Variants in NEGR1 observed in about 807,000 individuals in gnomAD.
NEGR1 encodes the protein IgLON family member 4.
A neutral mutation model predicts 40.9 loss-of-function variants in NEGR1; 10 were observed. That is an observed-to-expected ratio of 0.24 (90% CI 0.15 to 0.42). The LOEUF (loss-of-function observed/expected upper bound fraction) is 0.42. Ranked by LOEUF, NEGR1 falls within the 10% of genes least tolerant of loss-of-function variation. The probability of loss-of-function intolerance (pLI) is 1.00; values close to 1 mark genes in which losing one functional copy is unlikely to be tolerated. For synonymous variants in NEGR1, 185 were observed against 166.8 expected, an observed-to-expected ratio of 1.11 and a Z score of -0.84; for missense variants, 352 against 438.9, an observed-to-expected ratio of 0.80 and a Z score of 1.77.
chr1:71,906,877 G>A (rs963809972), intron 2 of NEGR1, among the ~76,000 whole-genome samples: 5 of 152,118 alleles, frequency 3.3e-5, no homozygotes. Flanking sequence ...CCTAGCCTGA[G>A]GGACAATTAG....
chr1:71,929,346 C>T (rs192219385), intron 2 of NEGR1, among the ~76,000 whole-genome samples: 23 of 152,132 alleles, frequency 1.5e-4, no homozygotes, highest in African/African-American at 5.5e-4. Flanking sequence ...GTTATTAAGC[C>T]ATTTTTATTT....
At chr1:71,471,841 T>A (rs564886724) in intron 6 of NEGR1, among the ~76,000 whole-genome samples, 2 of 152,196 alleles carry the variant, frequency 1.3e-5, no homozygotes, top group South Asian at 4.2e-4. Context: ...GAGCCAGTAT[T>A]CCACAGTCCC....
At chr1:72,023,411 G>A (rs1646778196) in intron 1 of NEGR1, among the ~76,000 whole-genome samples, 1 of 151,840 alleles carries the variant, frequency 6.6e-6, no homozygotes, top group African/African-American at 2.4e-5. Flanking sequence ...CCTATTTGCT[G>A]GATGAATCCT....
chr1:71,928,421 CACATAT>C (rs1396228131), intron 2 of NEGR1, among the ~76,000 whole-genome samples: 1 of 129,848 alleles, frequency 7.7e-6, no homozygotes, highest in African/African-American at 2.8e-5. Flanking sequence ...TATATATACA[CACATAT>C]GTATATATAC....
intron 6 of NEGR1, among the ~76,000 whole-genome samples, chr1:71,535,750 C>T (rs752839706): frequency 1.3e-5 from 2 of 151,646 alleles, no homozygotes; most frequent in Non-Finnish European, 3.0e-5. Context: ...TAGATGATGA[C>T]AGTCAGCTAG....
intron 2 of NEGR1, among the ~76,000 whole-genome samples, chr1:71,797,850 T>G (rs1206746860): frequency 6.6e-6 from 1 of 152,098 alleles, no homozygotes; most frequent in Non-Finnish European, 1.5e-5. Context: ...AGTCATAAAT[T>G]TTCTATTTGT....
intron 1 of NEGR1, among the ~76,000 whole-genome samples, chr1:72,053,193 A>C (rs559771669): frequency 6.6e-6 from 1 of 151,440 alleles, no homozygotes; most frequent in South Asian, 2.1e-4. Context: ...AAATGCAAAT[A>C]AACATACCCT....
intron 1 of NEGR1, among the ~76,000 whole-genome samples, chr1:72,033,702 C>G (rs949531881): frequency 6.6e-6 from 1 of 152,142 alleles, no homozygotes; most frequent in Non-Finnish European, 1.5e-5. Context: ...AACAAAACAG[C>G]TTTTAAGGAC....
At position 71,979,585 on chromosome 1, in the gene NEGR1, T is replaced by G. The variant is rs542893216; in HGVS notation, c.177-44274A>C. On this transcript the variant is annotated intron_variant, in intron 1 of 6. Coordinates refer to ENST00000357731, the MANE Select transcript of NEGR1 (RefSeq NM_173808.3). Reference sequence around the variant, plus strand: ...TCCTCCAAGTACACTAAAATGTCAGTAAAGAAGGACAAAGAACAACCCACA... The same window carrying G: ...TCCTCCAAGTACACTAAAATGTCAGGAAAGAAGGACAAAGAACAACCCACA... 4.6e-5 allele frequency among the ~76,000 whole-genome samples: 7 copies of G among 152,142 alleles called. No homozygotes were observed. In the South Asian group the frequency reaches 1.5e-3, roughly 32 times the overall value.
At chr1:71,718,122 A>C (rs1278348672) in intron 3 of NEGR1, among the ~76,000 whole-genome samples, 4 of 152,168 alleles carry the variant, frequency 2.6e-5, no homozygotes, top group Non-Finnish European at 5.9e-5. Context: ...ATGGCTGTTA[A>C]GATGTATTAC....
intron 4 of NEGR1, among the ~76,000 whole-genome samples, chr1:71,629,376 G>A (rs1305786269): frequency 2.6e-5 from 4 of 151,994 alleles, no homozygotes; most frequent in African/African-American, 9.7e-5. Flanking sequence ...AGCATGGAAT[G>A]TTTTTCCATT....
chr1:71,915,769 G>T (rs1056538091), intron 2 of NEGR1, among the ~76,000 whole-genome samples: 4 of 152,046 alleles, frequency 2.6e-5, no homozygotes, highest in African/African-American at 4.8e-5. Context: ...ACAGAACATG[G>T]TTCCATTAGT....
intron 2 of NEGR1, among the ~76,000 whole-genome samples, chr1:71,920,970 A>G (rs1321938028): frequency 1.3e-5 from 2 of 152,156 alleles, no homozygotes; most frequent in East Asian, 3.9e-4. Flanking sequence ...TAAGGATGCA[A>G]CTGAAATGTT....
intron 6 of NEGR1, among the ~76,000 whole-genome samples, chr1:71,557,920 T>C (rs1435021363): frequency 1.3e-5 from 2 of 151,574 alleles, no homozygotes; most frequent in Non-Finnish European, 3.0e-5. Context: ...TTCAGTGTCT[T>C]TCATTATCTT....
intron 6 of NEGR1, chr1:71,490,041 T>C (rs1646916340): frequency 6.6e-6 from 1 of 152,028 alleles, no homozygotes; most frequent in Admixed American, 6.6e-5. Flanking sequence ...TAATTGTATG[T>C]CATAGTTTGA....
intron 2 of NEGR1, among the ~76,000 whole-genome samples, chr1:71,809,883 A>G (rs1005199858): frequency 6.6e-6 from 1 of 152,188 alleles, no homozygotes; most frequent in Non-Finnish European, 1.5e-5. Context: ...TGATCCTAAC[A>G]GACAAATTGC....
intron 6 of NEGR1, among the ~76,000 whole-genome samples, chr1:71,470,391 C>T (rs959610068): frequency 3.9e-5 from 6 of 151,978 alleles, no homozygotes; most frequent in Non-Finnish European, 7.4e-5. Context: ...TGACATGAAA[C>T]GCTATTAGGC....
intron 6 of NEGR1, among the ~76,000 whole-genome samples, chr1:71,467,096 T>C (rs1282772080): frequency 6.6e-6 from 1 of 152,100 alleles, no homozygotes; most frequent in Non-Finnish European, 1.5e-5. Flanking sequence ...TTCACATACA[T>C]TATAAAGTTA....
At chr1:72,171,549 T>C (rs968759184) in intron 1 of NEGR1, among the ~76,000 whole-genome samples, 1 of 152,192 alleles carries the variant, frequency 6.6e-6, no homozygotes, top group Non-Finnish European at 1.5e-5. Context: ...TATTTTTCGC[T>C]GTGAGTTCTT....
Sources: allele counts gnomAD v4.1 joint callset (sites outside exome capture counted in the v4.1 genomes callset), GRCh38; gene constraint gnomAD v4.1.1; transcripts MANE v1.5; gene names NCBI Gene and HGNC (gene_info 2026-07-23, HGNC 2026-07-21).